MYB: variants seen among roughly 807,000 people sequenced by gnomAD.
MYB encodes the protein transcriptional activator Myb.
Under a neutral mutation model 92.9 loss-of-function variants are expected in MYB, and 28 were observed. The observed-to-expected ratio is 0.30, with a 90% CI of 0.22 to 0.41. The LOEUF is 0.41. Among genes scored for constraint, MYB ranks in the 10% least tolerant of loss-of-function variants. The pLI, the probability that MYB is intolerant of heterozygous loss-of-function variation, is 1.00. For synonymous variants in MYB, 295 were observed against 329.1 expected (o/e 0.90, Z 1.12); for missense variants, 679 against 929.3 (o/e 0.73, Z 3.50).
At chr6:135,191,494 A>C (rs1776617611) in intron 5 of MYB, among the ~76,000 whole-genome samples, 2 of 152,204 alleles carry the variant, frequency 1.3e-5, no homozygotes, top group African/African-American at 4.8e-5. Context: ...AAACTTAGAA[A>C]TTTTAAGAGG....
intron 8 of MYB, chr6:135,195,132 A>G: frequency 8.1e-7 from 1 of 1,227,090 alleles, no homozygotes; most frequent in Non-Finnish European, 1.1e-6. Context: ...TAAGATGTTT[A>G]TGTGCACATG....
chr6:135,200,165 C>T lies in MYB; in HGVS notation c.1790C>T (p.Ala597Val). ...ACACCATTCAAACATGCACTTGCAG[C>T]TCAAGAAATTAAATACGGTCCCCTG... The part of the protein sequence containing the change: ...TPTPFKHALA[A>V]QEIKYGPLKM... Residue 597 changes from alanine (A) to valine (V), a missense_variant, in exon 12 of 16, where the codon GCT (alanine) becomes GTT (valine). Ala to Val is a moderately conservative substitution (Grantham distance 64). This residue lies in a region of MYB where 402 missense variants were observed against 434.2 expected (regional missense o/e 0.93). Transcript: ENST00000341911. The T allele has an allele frequency of 1.2e-6, 2 of 1,614,176 alleles. No individual in the cohort carries two copies. Among genetic ancestry groups the T allele is most frequent in the Middle Eastern group, 3.3e-4 (2 of 6,062 alleles).
At chr6:135,203,725 G>A (rs1405096249) in intron 15 of MYB, 4 of 1,381,914 alleles carry the variant, frequency 2.9e-6, no homozygotes. Context: ...GGCAACCAAA[G>A]CTCAGAGACT....
chr6:135,216,594 A>T (rs1780472331), intron 15 of MYB, among the ~76,000 whole-genome samples: 1 of 152,146 alleles, frequency 6.6e-6, no homozygotes, highest in African/African-American at 2.4e-5. Context: ...TTTTTTTCTG[A>T]ATATTTTTGA....
chr6:135,209,919 A>G (rs1199758126), intron 15 of MYB, among the ~76,000 whole-genome samples: 1 of 152,216 alleles, frequency 6.6e-6, no homozygotes, highest in African/African-American at 2.4e-5. Context: ...AGAAGCTTAT[A>G]AAATGGTCAC....
chr6:135,207,142 A>G (rs1242934987), intron 15 of MYB, among the ~76,000 whole-genome samples: 1 of 152,198 alleles, frequency 6.6e-6, no homozygotes, highest in African/African-American at 2.4e-5. Context: ...TTGCACATTT[A>G]TTAAATGATA....
intron 9 of MYB, among the ~76,000 whole-genome samples, chr6:135,196,484 G>T (rs116752298): frequency 2.7e-4 from 41 of 152,056 alleles, no homozygotes; most frequent in Non-Finnish European, 8.8e-5. Context: ...GTAATAATCA[G>T]CTCCTTGGTC....
intron 7 of MYB, 39 bp from the exon 8 acceptor site, chr6:135,194,317 C>T (rs746297930): frequency 4.1e-6 from 6 of 1,471,472 alleles, no homozygotes; most frequent in Non-Finnish European, 5.7e-6. Flanking sequence ...AGCTTCCAAT[C>T]AGACCTTTGT....
At position 135,200,120 on chromosome 6, in the gene MYB, A is replaced by G. The variant is rs778369825; in HGVS notation, c.1745A>G (p.Glu582Gly). 1 of 1,614,186 alleles carries G rather than the reference A, an allele frequency of 6.2e-7. No individual in the cohort carries two copies. The highest frequency in any genetic ancestry group is 8.5e-7 in the Non-Finnish European group (1 of 1,180,016). The change falls in exon 12 of 16, where the codon GAA becomes GGA. Residue 582 changes from glutamate to glycine, a missense_variant. Physicochemically the swap from Glu to Gly is moderately conservative, Grantham distance 98. Around this residue, in one of 8 missense-constraint regions of MYB, gnomAD observed 402 missense variants for 434.2 expected, o/e 0.93. Transcript: ENST00000341911. ...RTPAIKRSIL[E>G]SSPRTPTPFK... Reference sequence around the variant, plus strand: ...CCAGCTATCAAAAGGTCAATCTTAGAAAGCTCTCCAAGAACTCCTACACCA... The same window carrying G: ...CCAGCTATCAAAAGGTCAATCTTAGGAAGCTCTCCAAGAACTCCTACACCA...
At chr6:135,215,453 A>T (rs1406679872) in intron 15 of MYB, among the ~76,000 whole-genome samples, 1 of 149,538 alleles carries the variant, frequency 6.7e-6, no homozygotes, top group Non-Finnish European at 1.5e-5. Context: ...TACCCAGGTA[A>T]CCTTGAGTAT....
intron 15 of MYB, chr6:135,203,636 C>T (rs1212506111): frequency 9.1e-6 from 10 of 1,094,658 alleles, no homozygotes; most frequent in East Asian, 2.6e-5. Context: ...TCTTCTTCTG[C>T]CCTCAAATGT....
chr6:135,213,195 C>T (rs140263726), intron 15 of MYB, among the ~76,000 whole-genome samples: 4 of 152,280 alleles, frequency 2.6e-5, no homozygotes, highest in East Asian at 1.9e-4. Flanking sequence ...GAGAATCAGG[C>T]GTTCCAAGTC....
At chr6:135,191,820 G>A (rs1052038546) in intron 5 of MYB, among the ~76,000 whole-genome samples, 1 of 152,186 alleles carries the variant, frequency 6.6e-6, no homozygotes, top group Non-Finnish European at 1.5e-5. Flanking sequence ...AAGAGTAGGA[G>A]GTTTTTTGGT....
At chr6:135,210,572 G>A (rs928452500) in intron 15 of MYB, among the ~76,000 whole-genome samples, 1 of 152,192 alleles carries the variant, frequency 6.6e-6, no homozygotes, top group South Asian at 2.1e-4. Context: ...AAAAAAATAA[G>A]GCAAGCCCTT....
intron 15 of MYB, among the ~76,000 whole-genome samples, chr6:135,216,165 C>T (rs1271790695): frequency 6.6e-6 from 1 of 152,084 alleles, no homozygotes; most frequent in East Asian, 1.9e-4. Context: ...GTTTCGTGTG[C>T]AAATCTCATA....
At chr6:135,189,770 G>T (rs776857930) in intron 3 of MYB, 21 bp from the exon 4 acceptor site, 29 of 1,601,280 alleles carry the variant, frequency 1.8e-5, no homozygotes, top group Middle Eastern at 1.7e-4. Flanking sequence ...CTTTATGGTG[G>T]TGCATACTTT....
chr6:135,193,642 T>G (rs1037302576), intron 6 of MYB, among the ~76,000 whole-genome samples, 196 bp from the exon 7 acceptor site: 11 of 152,224 alleles, frequency 7.2e-5, no homozygotes, highest in African/African-American at 2.4e-4. Context: ...TTTTTCACCA[T>G]GTTCCTTTAG....
At chr6:135,200,532 A>G in intron 13 of MYB, 117 bp downstream of exon 13, 2 of 1,463,544 alleles carry the variant, frequency 1.4e-6, no homozygotes, top group Non-Finnish European at 1.9e-6. Context: ...TTCGTGCAAG[A>G]TTTTCATACA....
At chr6:135,212,824 AT>A (rs1713332814) in intron 15 of MYB, among the ~76,000 whole-genome samples, 2 of 152,234 alleles carry the variant, frequency 1.3e-5, no homozygotes, top group African/African-American at 4.8e-5. Flanking sequence ...AAAGATATGT[AT>A]GACAGTATTT....
Sources: allele counts gnomAD v4.1 joint callset (sites outside exome capture counted in the v4.1 genomes callset), GRCh38; gene constraint gnomAD v4.1.1; regional missense constraint gnomAD v4.1.1; transcripts MANE v1.5; gene names NCBI Gene and HGNC (gene_info 2026-07-23, HGNC 2026-07-21).